Variants in ATG10 observed in about 807,000 individuals in gnomAD.
ATG10 encodes the protein ubiquitin-like-conjugating enzyme ATG10.
Under a neutral mutation model 32.1 loss-of-function variants are expected in ATG10, and 30 were observed. The observed-to-expected ratio is 0.94, with a 90% CI of 0.70 to 1.27. The LOEUF is 1.27. Among genes scored for constraint, ATG10 ranks in the 50% most tolerant of loss-of-function variants. The pLI, the probability that ATG10 is intolerant of heterozygous loss-of-function variation, is 0.00. For synonymous variants in ATG10, 87 were observed against 91.5 expected (o/e 0.95, Z 0.28); for missense variants, 233 against 262.3 (o/e 0.89, Z 0.77).
At chr5:81,986,246 A>G (rs374984503) in intron 1 of ATG10, among the ~76,000 whole-genome samples, 2 of 152,304 alleles carry the variant, frequency 1.3e-5, no homozygotes, top group East Asian at 3.9e-4. Context: ...ATTACAGTAT[A>G]TATTTATGAT....
intron 1 of ATG10, among the ~76,000 whole-genome samples, chr5:81,973,615 AT>A (rs1490186676): frequency 1.3e-5 from 2 of 152,168 alleles, no homozygotes; most frequent in African/African-American, 4.8e-5. Context: ...AATGGTCTCT[AT>A]TCTTTAGTGG....
intron 5 of ATG10, among the ~76,000 whole-genome samples, chr5:82,231,046 G>A (rs539501974): frequency 6.6e-6 from 1 of 152,302 alleles, no homozygotes; most frequent in South Asian, 2.1e-4. Flanking sequence ...ACTTCGTTGA[G>A]TGTTGCTGGC....
At chr5:82,123,066 A>T (rs1201545009) in intron 3 of ATG10, among the ~76,000 whole-genome samples, 1 of 152,266 alleles carries the variant, frequency 6.6e-6, no homozygotes, top group Non-Finnish European at 1.5e-5. Context: ...GCAGATGTTC[A>T]CTGCAGCACT....
In ATG10 at chr5:82,027,563, A is replaced by G. The variant is rs1309472281; in HGVS notation, c.109-30932A>G. Among the ~76,000 whole-genome samples the G allele has an allele frequency of 1.3e-5, 2 of 152,358 alleles. 1 individual carries two copies. The highest frequency in any genetic ancestry group is 3.9e-4 in the East Asian group (2 of 5,190). On this transcript the variant is annotated intron_variant, in intron 2 of 7. Coordinates refer to ENST00000282185, the MANE Select transcript of ATG10 (RefSeq NM_031482.5). ...GTTTGTTTTAAAAACATTTTAATGA[A>G]TGCAGAAAGTTCCCTAACTCTATAA...
At chr5:82,244,807 A>T (rs1746958301) in intron 5 of ATG10, among the ~76,000 whole-genome samples, 1 of 152,200 alleles carries the variant, frequency 6.6e-6, no homozygotes, top group Non-Finnish European at 1.5e-5. Flanking sequence ...TGTCAGACTT[A>T]TTTTATGAGA....
At chr5:82,198,597 C>G (rs1308008221) in intron 5 of ATG10, among the ~76,000 whole-genome samples, 1 of 152,136 alleles carries the variant, frequency 6.6e-6, no homozygotes, top group Non-Finnish European at 1.5e-5. Context: ...GTAGTTTTAG[C>G]CTTAACTGTA....
intron 5 of ATG10, among the ~76,000 whole-genome samples, chr5:82,193,738 T>C (rs535326752): frequency 6.6e-6 from 1 of 152,338 alleles, no homozygotes; most frequent in East Asian, 1.9e-4. Context: ...GTCTATCTCA[T>C]TGGTAGAAAT....
intron 2 of ATG10, among the ~76,000 whole-genome samples, chr5:82,020,455 G>A (rs919647197): frequency 1.3e-5 from 2 of 152,076 alleles, no homozygotes; most frequent in South Asian, 2.1e-4. Context: ...CTAATATATC[G>A]GTGAGATATT....
intron 2 of ATG10, among the ~76,000 whole-genome samples, chr5:82,011,117 A>AAAGTTC (rs1762116151): frequency 6.6e-6 from 1 of 152,202 alleles, no homozygotes; most frequent in African/African-American, 2.4e-5. Context: ...CTCATGGATT[A>AAAGTTC]AAGTTCTATA....
chr5:82,238,499 G>T (rs116708581), intron 5 of ATG10, among the ~76,000 whole-genome samples: 1,729 of 152,230 alleles, frequency 0.011, 18 homozygotes, highest in Middle Eastern at 0.031. Flanking sequence ...TGCAGGTGCA[G>T]CTGGACTGTA....
In ATG10 at chr5:81,974,670, T is replaced by C. The variant is rs1038000895; in HGVS notation, c.-13+2364T>C. Among the ~76,000 whole-genome samples, 17 of 152,182 alleles carry C rather than the reference T, an allele frequency of 1.1e-4. 1 individual carries two copies. The highest frequency in any genetic ancestry group is 4.4e-5 in the Non-Finnish European group (3 of 68,040). On this transcript the variant is annotated intron_variant, in intron 1 of 7. Coordinates refer to ENST00000282185, the MANE Select transcript of ATG10 (RefSeq NM_031482.5). ...CCCAGGCTGGAGTGCAGTGGCTATT[T>C]AGAGGCACAATTAGAAGGCACTACA...
At chr5:82,011,599 C>T (rs1404262886) in intron 2 of ATG10, among the ~76,000 whole-genome samples, 1 of 152,218 alleles carries the variant, frequency 6.6e-6, no homozygotes, top group Non-Finnish European at 1.5e-5. Flanking sequence ...GCTTCGTTCT[C>T]TCAACGTTAC....
At chr5:82,248,112 C>T (rs963436438) in intron 5 of ATG10, among the ~76,000 whole-genome samples, 12 of 152,144 alleles carry the variant, frequency 7.9e-5, no homozygotes, top group African/African-American at 2.9e-4. Flanking sequence ...TACTTCCTAT[C>T]AGGCCTTCTT....
intron 3 of ATG10, among the ~76,000 whole-genome samples, chr5:82,164,048 A>T (rs954794897): frequency 6.6e-6 from 1 of 152,198 alleles, no homozygotes; most frequent in Admixed American, 6.5e-5. Flanking sequence ...TAGCTTTCAC[A>T]GGTAGGGAAG....
chr5:82,054,550 A>T (rs1200952320), intron 2 of ATG10, among the ~76,000 whole-genome samples: 2 of 152,184 alleles, frequency 1.3e-5, no homozygotes, highest in Non-Finnish European at 2.9e-5. Flanking sequence ...TACTACAAAG[A>T]ATACTCAGGT....
chr5:82,200,387 A>AATATCTT (rs1210673175), intron 5 of ATG10, among the ~76,000 whole-genome samples: 1 of 150,770 alleles, frequency 6.6e-6, no homozygotes, highest in African/African-American at 2.4e-5. Flanking sequence ...AATGATGTTG[A>AATATCTT]ATATCTTTTC....
intron 5 of ATG10, among the ~76,000 whole-genome samples, chr5:82,236,053 G>A (rs575114134): frequency 1.3e-5 from 2 of 152,324 alleles, no homozygotes; most frequent in African/African-American, 2.4e-5. Flanking sequence ...CTCTTGTTGT[G>A]TTAGGGAATA....
intron 3 of ATG10, among the ~76,000 whole-genome samples, chr5:82,072,610 GAA>G (rs980273811): frequency 1.3e-5 from 2 of 151,990 alleles, no homozygotes; most frequent in Non-Finnish European, 2.9e-5. Flanking sequence ...AAATAATGAA[GAA>G]AAAATTCAGA....
chr5:82,050,839 CAAAAAAAAAA>C lies in ATG10; in HGVS notation c.109-7635_109-7626del, dbSNP rs71000881. On this transcript the variant is annotated intron_variant, in intron 2 of 7. Transcript: ENST00000282185. ...CAACATAGCAAGACCCCATCTCTAC[CAAAAAAAAAA>C]AAAAAAAAAAAAAAAAAAAATCAGC... is the stretch of plus-strand genomic sequence containing the variant. 6.2e-3 allele frequency among the ~76,000 whole-genome samples: 226 copies of C among 36,310 alleles called. 1 individual carries two copies. Among genetic ancestry groups the C allele is most frequent in the Middle Eastern group, 0.04 (2 of 50 alleles). The allele number at this position is 36,310 out of a possible 152,430, so 23.8% of individuals were successfully genotyped here.
Sources: allele counts gnomAD v4.1 joint callset (sites outside exome capture counted in the v4.1 genomes callset), GRCh38; gene constraint gnomAD v4.1.1; transcripts MANE v1.5; gene names NCBI Gene and HGNC (gene_info 2026-07-23, HGNC 2026-07-21).